ACAP2: variants seen among roughly 807,000 people sequenced by gnomAD.
ACAP2 encodes ArfGAP with coiled-coil, ankyrin repeat and PH domains 2.
Under a neutral mutation model 115.8 loss-of-function variants are expected in ACAP2, and 39 were observed. The ratio of observed to expected loss-of-function variants is 0.34; its 90% CI spans 0.26 to 0.44. The LOEUF (loss-of-function observed/expected upper bound fraction) is 0.44. Ranked by LOEUF, ACAP2 falls within the 20% of genes least tolerant of loss-of-function variation. The pLI is 1.00. For synonymous variants in ACAP2, 289 were observed against 315.8 expected, an observed-to-expected ratio of 0.92 and a Z score of 0.90; for missense variants, 662 against 927.6, an observed-to-expected ratio of 0.71 and a Z score of 3.72.
At chr3:195,399,064 T>G (rs1712045372) in intron 1 of ACAP2, among the ~76,000 whole-genome samples, 1 of 152,226 alleles carries the variant, frequency 6.6e-6, no homozygotes, top group African/African-American at 2.4e-5. Flanking sequence ...TTTTTGCCAT[T>G]ACTTTTGCAC....
intron 1 of ACAP2, among the ~76,000 whole-genome samples, chr3:195,428,971 A>G (rs992696478): frequency 1.3e-5 from 2 of 152,248 alleles, no homozygotes; most frequent in Non-Finnish European, 2.9e-5. Context: ...GAAAATTTGT[A>G]TAAGAATGTT....
intron 15 of ACAP2, 34 bp downstream of exon 15, chr3:195,301,541 A>G: frequency 6.8e-7 from 1 of 1,467,246 alleles, no homozygotes; most frequent in Non-Finnish European, 9.4e-7. Flanking sequence ...TCATGTGAAA[A>G]TATGAAATAT....
In ACAP2 at chr3:195,333,132, G is replaced by GA. The variant is rs770036113; in HGVS notation, c.574-10dup. The GA allele has an allele frequency of 2.1e-5, 31 of 1,495,964 alleles. No homozygotes were observed. The highest frequency in any genetic ancestry group is 2.6e-5 in the Non-Finnish European group (29 of 1,094,586). 92.7% of individuals were successfully genotyped at this position (1,495,964 alleles called of 1,614,324 possible). On this transcript the variant is annotated splice_polypyrimidine_tract_variant and intron_variant, in intron 7 of 22. Transcript: ENST00000326793. The stretch of plus-strand genomic sequence containing the variant: ...TACATAAATGACAACATCTAATAGG[G>GA]AAAAAAAGATGACCATTTTAAAATC...
chr3:195,361,984 C>T (rs1331457193), intron 4 of ACAP2, among the ~76,000 whole-genome samples: 1 of 152,052 alleles, frequency 6.6e-6, no homozygotes, highest in African/African-American at 2.4e-5. Flanking sequence ...AATCCAAAAC[C>T]TGAACAGACC....
At chr3:195,361,475 A>C (rs915926712) in intron 4 of ACAP2, among the ~76,000 whole-genome samples, 4 of 151,968 alleles carry the variant, frequency 2.6e-5, no homozygotes, top group African/African-American at 9.7e-5. Context: ...TTATTGAAGC[A>C]AATGATAATG....
At position 195,443,005 on chromosome 3, in the gene ACAP2, G is replaced by C. The variant is rs1047321244; in HGVS notation, c.-158C>G. The C allele has an allele frequency of 8.7e-6, 5 of 576,616 alleles. No individual in the cohort carries two copies. The highest frequency in any genetic ancestry group is 6.0e-5 in the African/African-American group (3 of 50,334). The allele number at this position is 576,616 out of a possible 1,614,324, so 35.7% of individuals were successfully genotyped here. ...CGCTGGTCATAGCAGCCGCGAAGAC[G>C]GCGACGACTAGTCAGGCCCCAGTCC... On this transcript the variant is annotated 5_prime_UTR_variant, in exon 1 of 23. Coordinates refer to ENST00000326793, the MANE Select transcript of ACAP2 (RefSeq NM_012287.6).
intron 8 of ACAP2, among the ~76,000 whole-genome samples, chr3:195,328,079 T>C (rs1560247805): frequency 6.6e-6 from 1 of 152,102 alleles, no homozygotes; most frequent in Non-Finnish European, 1.5e-5. Flanking sequence ...TGAAATCCTA[T>C]TTGCTAAACT....
intron 1 of ACAP2, among the ~76,000 whole-genome samples, chr3:195,393,707 C>A (rs1159215392): frequency 2.6e-5 from 4 of 152,168 alleles, no homozygotes; most frequent in Non-Finnish European, 4.4e-5. Context: ...CACACGAGAA[C>A]AAATGTATGT....
At chr3:195,381,509 T>C (rs866198820) in intron 3 of ACAP2, among the ~76,000 whole-genome samples, 10 of 152,148 alleles carry the variant, frequency 6.6e-5, no homozygotes, top group African/African-American at 1.9e-4. Flanking sequence ...TCAGAACCTA[T>C]ACAGCCCCCT....
intron 4 of ACAP2, among the ~76,000 whole-genome samples, chr3:195,379,844 T>C (rs1733830046): frequency 1.3e-5 from 2 of 151,976 alleles, no homozygotes. Flanking sequence ...ATGGTAACAA[T>C]GACAGAAGAT....
At chr3:195,360,794 T>A (rs1732301860) in intron 4 of ACAP2, among the ~76,000 whole-genome samples, 2 of 145,824 alleles carry the variant, frequency 1.4e-5, no homozygotes, top group African/African-American at 2.5e-5. Flanking sequence ...TGAGACTCCA[T>A]CTCAAAAAAA....
intron 1 of ACAP2, among the ~76,000 whole-genome samples, chr3:195,401,068 A>T (rs1203979670): frequency 6.6e-6 from 1 of 152,166 alleles, no homozygotes; most frequent in Non-Finnish European, 1.5e-5. Context: ...TTATAATCAG[A>T]AACCTGCCAT....
chr3:195,356,277 A>T (rs1731964475), intron 4 of ACAP2: 1 of 445,164 alleles, frequency 2.2e-6, no homozygotes, highest in African/African-American at 2.0e-5. Context: ...CAATGAATGG[A>T]GCATTTAGAC....
chr3:195,377,138 C>T (rs997366028), intron 4 of ACAP2, among the ~76,000 whole-genome samples: 348 of 77,036 alleles, frequency 4.5e-3, no homozygotes, highest in East Asian at 0.016. Context: ...GAATGTAAAT[C>T]TTTTTTTTTT....
chr3:195,322,437 G>A (rs1382273213), intron 9 of ACAP2, among the ~76,000 whole-genome samples: 2 of 151,780 alleles, frequency 1.3e-5, no homozygotes, highest in African/African-American at 4.8e-5. Context: ...ACTAAGTCAG[G>A]AACAGGAAAC....
chr3:195,353,058 T>A (rs1360205298), intron 4 of ACAP2, among the ~76,000 whole-genome samples: 1 of 145,202 alleles, frequency 6.9e-6, no homozygotes, highest in African/African-American at 2.6e-5. Context: ...CCAGCCTGGA[T>A]GACAGAGTGA....
chr3:195,298,325 G>A (rs1305532863), intron 15 of ACAP2, among the ~76,000 whole-genome samples: 1 of 141,558 alleles, frequency 7.1e-6, no homozygotes, highest in Non-Finnish European at 1.5e-5. Context: ...GCATGATCTT[G>A]GCCCACTGCA....
chr3:195,295,169 G>T, intron 17 of ACAP2: 1 of 1,228,406 alleles, frequency 8.1e-7, no homozygotes, highest in Non-Finnish European at 1.1e-6. Flanking sequence ...GCACAGACTT[G>T]GAATGCTCCA....
chr3:195,325,390 T>C (rs1271102490), intron 9 of ACAP2: 2 of 426,892 alleles, frequency 4.7e-6, no homozygotes, highest in Non-Finnish European at 9.1e-6. Context: ...GGAGACATAC[T>C]TTCCCTTAGT....
Sources: allele counts gnomAD v4.1 joint callset (sites outside exome capture counted in the v4.1 genomes callset), GRCh38; gene constraint gnomAD v4.1.1; transcripts MANE v1.5; gene names NCBI Gene and HGNC (gene_info 2026-07-23, HGNC 2026-07-21).